Variants in PCDH9 observed in about 807,000 individuals in gnomAD.
PCDH9 encodes the protein protocadherin-9.
A neutral mutation model predicts 70.6 loss-of-function variants in PCDH9; 24 were observed. The observed-to-expected ratio is 0.34, with a 90% confidence interval of 0.25 to 0.48. The LOEUF (loss-of-function observed/expected upper bound fraction) is 0.48, where lower values mean the gene tolerates loss of function less well. Among genes scored for constraint, PCDH9 ranks in the 20% least tolerant of loss-of-function variants. PCDH9 has a pLI of 0.99. For missense variants in PCDH9, 1,281 were observed against 1,503.6 expected, an observed-to-expected ratio of 0.85 and a Z score of 2.45; for synonymous variants, 562 against 558.5, an observed-to-expected ratio of 1.01 and a Z score of -0.09.
At position 66,623,945 on chromosome 13, in the gene PCDH9, A is replaced by C. The variant is rs79149397; in HGVS notation, c.3340+7265T>G. Among the ~76,000 whole-genome samples, 639 of 152,348 alleles carry C rather than the reference A, an allele frequency of 4.2e-3. 20 individuals are homozygous for C. The East Asian group carries it at 0.081, about 19-fold the overall frequency. ...TCAGTGAGAAGTTCATCAACTGATT[A>C]GTAACATAGTCTAGATAAAGTCAGA... On this transcript the variant is annotated intron_variant, in intron 4 of 4. Coordinates refer to ENST00000377865, the MANE Select transcript of PCDH9 (RefSeq NM_203487.3).
intron 4 of PCDH9, among the ~76,000 whole-genome samples, chr13:66,333,919 A>G (rs552892653): frequency 2.0e-5 from 3 of 152,288 alleles, no homozygotes; most frequent in Admixed American, 1.3e-4. Context: ...TTAAATCAGT[A>G]CACTCTTACT....
chr13:66,730,846 T>G (rs555796464), intron 3 of PCDH9, among the ~76,000 whole-genome samples: 43 of 118,554 alleles, frequency 3.6e-4, no homozygotes, highest in Admixed American at 2.8e-3. Context: ...GCCTGGCTGT[T>G]TTTTTGTTTT....
At chr13:66,333,710 A>G (rs555071294) in intron 4 of PCDH9, among the ~76,000 whole-genome samples, 1 of 152,292 alleles carries the variant, frequency 6.6e-6, no homozygotes, top group East Asian at 1.9e-4. Context: ...TGAAGAAAAT[A>G]TTTGTTTAAG....
At chr13:66,526,412 A>G (rs1180847443) in intron 4 of PCDH9, among the ~76,000 whole-genome samples, 1 of 152,076 alleles carries the variant, frequency 6.6e-6, no homozygotes, top group East Asian at 1.9e-4. Context: ...GAAAGTCTCA[A>G]CTCAAAGTTC....
intron 3 of PCDH9, among the ~76,000 whole-genome samples, chr13:66,783,432 C>A (rs1008001970): frequency 6.6e-5 from 10 of 151,956 alleles, no homozygotes; most frequent in Non-Finnish European, 1.3e-4. Context: ...ATACTTTAAC[C>A]CAAAGTATAA....
intron 2 of PCDH9, among the ~76,000 whole-genome samples, chr13:66,971,233 T>C (rs1446524407): frequency 1.3e-5 from 2 of 152,048 alleles, no homozygotes; most frequent in South Asian, 2.1e-4. Context: ...ATAATGTATA[T>C]CACAAAGGAT....
intron 3 of PCDH9, among the ~76,000 whole-genome samples, chr13:66,822,949 A>G (rs1279549678): frequency 6.6e-6 from 1 of 152,120 alleles, no homozygotes; most frequent in Non-Finnish European, 1.5e-5. Flanking sequence ...AATTGCTAAT[A>G]TATTTGTGTA....
At chr13:66,780,923 C>G (rs914778261) in intron 3 of PCDH9, among the ~76,000 whole-genome samples, 13 of 152,004 alleles carry the variant, frequency 8.6e-5, no homozygotes, top group Non-Finnish European at 1.6e-4. Context: ...AATAACAAAG[C>G]CTTAACTGAA....
chr13:66,701,142 T>C (rs953913509), intron 3 of PCDH9, among the ~76,000 whole-genome samples: 1 of 151,502 alleles, frequency 6.6e-6, no homozygotes, highest in African/African-American at 2.4e-5. Flanking sequence ...TGGGTCAAAA[T>C]GACCATTTAT....
chr13:67,064,887 T>C (rs75258239), intron 2 of PCDH9, among the ~76,000 whole-genome samples: 15,429 of 143,386 alleles, frequency 0.11, 856 homozygotes, highest in South Asian at 0.15. Flanking sequence ...TCTGCCTGTG[T>C]GGAAATAGAT....
At chr13:66,951,630 G>A (rs370472063) in intron 2 of PCDH9, among the ~76,000 whole-genome samples, 8 of 152,154 alleles carry the variant, frequency 5.3e-5, no homozygotes, top group Non-Finnish European at 7.4e-5. Flanking sequence ...AGGGCCCATC[G>A]CTTCTAACAG....
intron 4 of PCDH9, among the ~76,000 whole-genome samples, chr13:66,334,125 T>C (rs1955989584): frequency 6.6e-6 from 1 of 152,120 alleles, no homozygotes; most frequent in Non-Finnish European, 1.5e-5. Flanking sequence ...ATCAAACACA[T>C]ACTACTTATT....
intron 4 of PCDH9, chr13:66,323,433 T>TAAAAATA (rs1460057342): frequency 6.6e-6 from 1 of 151,954 alleles, no homozygotes; most frequent in Non-Finnish European, 1.5e-5. Context: ...TAATAAGCAA[T>TAAAAATA]AAAAATATAT....
At chr13:67,134,009 C>T (rs2087171401) in intron 2 of PCDH9, among the ~76,000 whole-genome samples, 1 of 152,038 alleles carries the variant, frequency 6.6e-6, no homozygotes, top group Non-Finnish European at 1.5e-5. Flanking sequence ...CTTAATTCCA[C>T]TCAAAATCAA....
intron 4 of PCDH9, among the ~76,000 whole-genome samples, chr13:66,487,345 T>A (rs1376211870): frequency 1.3e-5 from 2 of 152,180 alleles, no homozygotes; most frequent in Non-Finnish European, 2.9e-5. Flanking sequence ...TCTGTACACA[T>A]GTTATCTAGG....
At chr13:66,778,401 AG>A (rs1188480914) in intron 3 of PCDH9, among the ~76,000 whole-genome samples, 2 of 152,144 alleles carry the variant, frequency 1.3e-5, no homozygotes, top group Non-Finnish European at 2.9e-5. Flanking sequence ...CTGTAGTTTT[AG>A]CTTCTCATTG....
chr13:66,723,264 C>A (rs991011), intron 3 of PCDH9, among the ~76,000 whole-genome samples: 148,641 of 152,214 alleles, frequency 0.98, 72,684 homozygotes, highest in East Asian at 1. Context: ...CAAACAACAA[C>A]AAAAGAGGGA....
At chr13:66,345,957 G>A (rs1294126459) in intron 4 of PCDH9, among the ~76,000 whole-genome samples, 1 of 152,182 alleles carries the variant, frequency 6.6e-6, no homozygotes, top group East Asian at 1.9e-4. Context: ...TAGGGGAAAA[G>A]CCGTCAATAA....
At chr13:66,849,349 A>G (rs56808827) in intron 3 of PCDH9, among the ~76,000 whole-genome samples, 5,792 of 151,948 alleles carry the variant, frequency 0.038, 368 homozygotes, top group African/African-American at 0.13. Flanking sequence ...ATGAATTATC[A>G]GGTTTGTATC....
Sources: gnomAD v4.1 joint callset for allele counts (sites outside exome capture counted in the v4.1 genomes callset) on GRCh38, gnomAD v4.1.1 for gene constraint, MANE v1.5 for transcripts, NCBI Gene and HGNC (gene_info 2026-07-23, HGNC 2026-07-21) for gene names.